Variants in PDXDC1 observed in about 807,000 individuals in gnomAD.
The protein encoded by PDXDC1 is pyridoxal-dependent decarboxylase domain-containing protein 1.
PDXDC1 carries 42 observed loss-of-function variants against 100.1 expected under a neutral mutation model. The observed-to-expected ratio is 0.42, with a 90% CI of 0.33 to 0.54. The LOEUF (loss-of-function observed/expected upper bound fraction) is 0.54. Among genes scored for constraint, PDXDC1 ranks in the 20% least tolerant of loss-of-function variants. PDXDC1 has a pLI of 0.10. For synonymous variants in PDXDC1, 260 were observed against 371.7 expected (o/e 0.70, Z 3.46); for missense variants, 636 against 979.2 (o/e 0.65, Z 4.68).
intron 4 of PDXDC1, 134 bp from the exon 5 acceptor site, chr16:15,004,053 G>A: frequency 2.3e-6 from 2 of 852,140 alleles, no homozygotes; most frequent in Admixed American, 2.5e-5. Context: ...TATCACTACT[G>A]TTTATGCATT....
At chr16:15,149,137 C>T in the PDXDC1 span, among the ~76,000 whole-genome samples, 1 of 152,206 alleles carries the variant, frequency 6.6e-6, no homozygotes, top group Non-Finnish European at 1.5e-5. Context: ...CTCTCCTAGG[C>T]TCTCCTGACT....
intron 21 of PDXDC1, 45 bp downstream of exon 21, chr16:15,034,598 G>T: frequency 7.0e-7 from 1 of 1,433,086 alleles, no homozygotes; most frequent in South Asian, 1.1e-5. Context: ...ACCTTGGGAG[G>T]TTTCACCAAA....
intron 16 of PDXDC1, among the ~76,000 whole-genome samples, chr16:15,091,989 C>T (rs551455545): frequency 8.8e-4 from 134 of 152,146 alleles, no homozygotes; most frequent in Middle Eastern, 3.4e-3. Flanking sequence ...CCAGCCTGGC[C>T]AACATGGTGA....
At chr16:15,129,728 C>T (rs1267264175) in intron 16 of PDXDC1, among the ~76,000 whole-genome samples, 6 of 152,138 alleles carry the variant, frequency 3.9e-5, no homozygotes, top group East Asian at 1.9e-4. Context: ...TGAGTGCTCA[C>T]GAGGTCATTC....
rs57542228 is a variant in PDXDC1 at position 15,032,668 on chromosome 16, A to AAAAAAAAAG, written c.1572-192_1572-191insAAAAAAAGA. On this transcript the variant is annotated intron_variant, in intron 17 of 22. Coordinates refer to ENST00000396410, the MANE Select transcript of PDXDC1 (RefSeq NM_015027.4). ...GACCCTGCTTTAAAAAAAAAAAAAA[A>AAAAAAAAAG]AGGCTTTCCTGTGACTTTCTCTTTA... is the stretch of plus-strand genomic sequence containing the variant. The AAAAAAAAAG allele has an allele frequency of 5.3e-5, 20 of 380,176 alleles. 1 individual carries two copies. The highest frequency in any genetic ancestry group is 1.8e-4 in the South Asian group (5 of 28,518). The allele number at this position is 380,176 out of a possible 1,614,324, so 23.6% of individuals were successfully genotyped here.
intron 16 of PDXDC1, chr16:15,061,173 T>C (rs2044696911): frequency 6.6e-6 from 1 of 152,316 alleles, no homozygotes; most frequent in Admixed American, 6.5e-5. Context: ...TCCCAGACCA[T>C]GTCGGGCCAG....
Position 15,037,801 on chromosome 16 carries a change from A to AAAAAAAACTGGACATCAATTT in PDXDC1, c.*1532_*1533insACTGGACATCAATTTAAAAAA, listed in dbSNP as rs1555577151. The AAAAAAAACTGGACATCAATTT allele has an allele frequency of 2.2e-6, 1 of 451,004 alleles. No homozygotes were observed. The highest frequency in any genetic ancestry group is 3.9e-6 in the Non-Finnish European group (1 of 256,330). 27.9% of individuals were successfully genotyped at this position (451,004 alleles called of 1,614,324 possible). A position where few individuals can be genotyped will look rare whatever the true frequency, so the allele number is the denominator to read the frequency against. On this transcript the variant is annotated 3_prime_UTR_variant, in exon 23 of 23. Coordinates refer to ENST00000396410, the MANE Select transcript of PDXDC1 (RefSeq NM_015027.4). ...CCTCTGCCCGTTATTACCGACCAAA[A>AAAAAAAACTGGACATCAATTT]AAAAAACTGGACATCAATTTTTTAG...
the PDXDC1 span, among the ~76,000 whole-genome samples, chr16:15,147,720 G>A: frequency 6.6e-6 from 1 of 151,904 alleles, no homozygotes; most frequent in African/African-American, 2.4e-5. Flanking sequence ...ACAGAGTCTC[G>A]CTCTGTTGAC....
At position 15,028,962 on chromosome 16, in the gene PDXDC1, G is replaced by T. The variant is rs770597982; in HGVS notation, c.1289G>T (p.Arg430Leu). ...AGGCACTCGTGTGACGCGCTGAATC[G>T]CTGGGTGAGAATGGCAGTCACCCCC... Reference protein sequence around the residue: ...RERHSCDALNRWLGEQLKQLV... With the variant: ...RERHSCDALNLWLGEQLKQLV... The change falls in exon 15 of 23, where the codon CGC becomes CTC. Residue 430 changes from arginine to leucine, a missense_variant. Arg to Leu is a moderately radical substitution (Grantham distance 102, BLOSUM62 -2). Coordinates refer to ENST00000396410, the MANE Select transcript of PDXDC1 (RefSeq NM_015027.4). The T allele has an allele frequency of 1.9e-6, 3 of 1,612,476 alleles. No homozygotes were observed. The highest frequency in any genetic ancestry group is 1.7e-6 in the Non-Finnish European group (2 of 1,179,894).
rs965267518 is a variant in PDXDC1 at position 15,128,807 on chromosome 16, A to AT, written c.1400-10056dup. Among the ~76,000 whole-genome samples, 866 of 140,910 alleles carry AT rather than the reference A, an allele frequency of 6.1e-3. 3 individuals are homozygous for AT. The highest frequency in any genetic ancestry group is 0.017 in the African/African-American group (659 of 38,276). The allele number at this position is 140,910 out of a possible 152,430, so 92.4% of individuals were successfully genotyped here. On this transcript the variant is annotated intron_variant, in intron 16 of 16. Coordinates refer to the PDXDC1 transcript ENST00000535621. ...CCCAGTGACAGACCCAGGTGACAGTATTTTTTTTTTTTTTTTGAGATGGAG... is the reference window on the plus strand; with the variant it reads ...CCCAGTGACAGACCCAGGTGACAGTATTTTTTTTTTTTTTTTTGAGATGGAG...
intron 16 of PDXDC1, among the ~76,000 whole-genome samples, chr16:15,031,131 TTTTTCC>T (rs1374711920): frequency 7.0e-6 from 1 of 142,650 alleles, no homozygotes; most frequent in Non-Finnish European, 1.5e-5. Flanking sequence ...TTTTTTTTTT[TTTTTCC>T]ATAGAGACGT....
Position 15,111,157 on chromosome 16 carries a change from A to G in PDXDC1, c.1400-27722A>G, listed in dbSNP as rs949904724. Among the ~76,000 whole-genome samples the G allele has an allele frequency of 2.1e-5, 3 of 144,544 alleles. 1 individual carries two copies. The highest frequency in any genetic ancestry group is 3.1e-5 in the Non-Finnish European group (2 of 64,972). The allele number at this position is 144,544 out of a possible 152,430, so 94.8% of individuals were successfully genotyped here. Reference sequence around the variant, plus strand: ...ACACACACACACACACACACACACAAAACACACAAGAATGACGAGGCTGGC... The same window carrying G: ...ACACACACACACACACACACACACAGAACACACAAGAATGACGAGGCTGGC... On this transcript the variant is annotated intron_variant, in intron 16 of 16. Transcript: ENST00000535621.
intron 16 of PDXDC1, among the ~76,000 whole-genome samples, chr16:15,051,276 G>A (rs575278242): frequency 1.3e-5 from 2 of 152,208 alleles, no homozygotes; most frequent in African/African-American, 4.8e-5. Context: ...CAGCTCCTAC[G>A]ATTTCCCAAA....
intron 1 of PDXDC1, among the ~76,000 whole-genome samples, chr16:14,976,181 G>A (rs1966813154): frequency 6.6e-6 from 1 of 152,284 alleles, no homozygotes; most frequent in Non-Finnish European, 1.5e-5. Context: ...CTCCCTCAAA[G>A]CCCTTCTGTC....
At chr16:15,131,704 T>G in intron 16 of PDXDC1, 1 of 1,496,444 alleles carries the variant, frequency 6.7e-7, no homozygotes. Flanking sequence ...GTGGATGAGG[T>G]CTCCTGCAGA....
rs1012984092 is a variant in PDXDC1, at chr16:15,122,178, A to T, written c.1400-16701A>T. ...GACTCTGTCTAAAAAACAAACAAAC[A>T]AACAAAAAAGTCATCAAACCAGATG... On this transcript the variant is annotated intron_variant, in intron 16 of 16. Transcript: ENST00000535621. 5.5e-4 allele frequency among the ~76,000 whole-genome samples: 83 copies of T among 152,226 alleles called. 5 individuals are homozygous for T. The highest frequency in any genetic ancestry group is 3.4e-3 in the Middle Eastern group (1 of 294).
chr16:15,028,942 C>G lies in PDXDC1; in HGVS notation c.1269C>G (p.His423Gln). Residue 423 changes from histidine to glutamine, a missense_variant, in exon 15 of 23, where the codon CAC becomes CAG. Around this residue, in one of 4 missense-constraint regions of PDXDC1, gnomAD observed 44 missense variants for 46.9 expected, o/e 0.94. Transcript: ENST00000396410. ...MTPSGVGRER[H>Q]SCDALNRWLG... is the part of the protein sequence containing the mutation. ...CTTCAGGAGTCGGCCGGGAGAGGCA[C>G]TCGTGTGACGCGCTGAATCGCTGGG... 1 of 1,613,576 alleles carries G rather than the reference C, an allele frequency of 6.2e-7. No homozygotes were observed. Among genetic ancestry groups the G allele is most frequent in the Non-Finnish European group, 8.5e-7 (1 of 1,179,996 alleles).
chr16:15,093,634 T>C (rs2046230170), intron 16 of PDXDC1, among the ~76,000 whole-genome samples: 1 of 152,184 alleles, frequency 6.6e-6, no homozygotes, highest in Admixed American at 6.5e-5. Flanking sequence ...TGAAAAAACA[T>C]AGCATCCTAA....
At chr16:15,144,616 G>A in the PDXDC1 span, among the ~76,000 whole-genome samples, 1 of 152,210 alleles carries the variant, frequency 6.6e-6, no homozygotes, top group Non-Finnish European at 1.5e-5. Context: ...AGGCTCAGCG[G>A]CATTCTGTCC....
Sources: allele counts gnomAD v4.1 joint callset (sites outside exome capture counted in the v4.1 genomes callset), GRCh38; gene constraint gnomAD v4.1.1; regional missense constraint gnomAD v4.1.1; transcripts MANE v1.5; gene names NCBI Gene and HGNC (gene_info 2026-07-23, HGNC 2026-07-21).